The following SIM1 variants were observed in gnomAD, a reference collection of about 807,000 sequenced individuals.
The protein encoded by SIM1 is single-minded homolog 1.
SIM1 carries 18 observed loss-of-function variants against 78.2 expected under a neutral mutation model. That is an observed-to-expected ratio of 0.23 (90% CI 0.16 to 0.34). The LOEUF (loss-of-function observed/expected upper bound fraction) is 0.34. Ranked by LOEUF, SIM1 falls within the 10% of genes least tolerant of loss-of-function variation. SIM1 has a pLI of 1.00. For missense variants in SIM1, 939 were observed against 975.1 expected, an observed-to-expected ratio of 0.96 and a Z score of 0.49; for synonymous variants, 417 against 385.2, an observed-to-expected ratio of 1.08 and a Z score of -0.97.
intron 9 of SIM1, chr6:100,437,564 T>A (rs1305896226): frequency 6.7e-6 from 1 of 148,370 alleles, no homozygotes; most frequent in Non-Finnish European, 1.5e-5. Flanking sequence ...GTGTTGTATG[T>A]CTAGATGCTA....
intron 10 of SIM1, among the ~76,000 whole-genome samples, chr6:100,397,928 G>A (rs1770808390): frequency 6.6e-6 from 1 of 152,090 alleles, no homozygotes; most frequent in African/African-American, 2.4e-5. Flanking sequence ...AACATCATTA[G>A]TGACTAGGAA....
Position 100,447,476 on chromosome 6 carries a change from G to T in SIM1, c.851-61C>A, listed in dbSNP as rs1365859672. ...AGCCTGCCTGGGACTGGCCCCAAAT[G>T]CAATCCCTGGTGGTAAGAATTGAGG... On this transcript the variant is annotated intron_variant, in intron 8 of 11. Coordinates refer to ENST00000369208, the MANE Select transcript of SIM1 (RefSeq NM_005068.3). The T allele has an allele frequency of 3.8e-6, 6 of 1,592,002 alleles. No individual in the cohort carries two copies. The African/African-American group carries it at 4.0e-5, about 11-fold the overall frequency.
At chr6:100,430,292 C>T (rs982071157) in intron 9 of SIM1, among the ~76,000 whole-genome samples, 1 of 152,088 alleles carries the variant, frequency 6.6e-6, no homozygotes, top group African/African-American at 2.4e-5. Context: ...GTTGTACATT[C>T]GACAGATCTG....
At position 100,438,763 on chromosome 6, in the gene SIM1, T is replaced by C. The variant is rs190630852; in HGVS notation, c.998+8505A>G. On this transcript the variant is annotated intron_variant, in intron 9 of 11. Coordinates refer to ENST00000369208, the MANE Select transcript of SIM1 (RefSeq NM_005068.3). The stretch of plus-strand genomic sequence containing the variant: ...AAGAAAATGTGGTATATATATACTG[T>C]GGAATATCACTCAGTCATAAAGAGG... 7.0e-4 allele frequency among the ~76,000 whole-genome samples: 107 copies of C among 152,310 alleles called. 2 individuals carry two copies. The highest frequency in any genetic ancestry group is 4.6e-4 in the Admixed American group (7 of 15,304).
At chr6:100,393,999 T>C in intron 10 of SIM1, 110 bp from the exon 11 acceptor site, 4 of 1,162,634 alleles carry the variant, frequency 3.4e-6, no homozygotes, top group Non-Finnish European at 4.7e-6. Flanking sequence ...CCTTAAGGTC[T>C]CATTGTCCTG....
chr6:100,458,010 C>CTT (rs1271921278), intron 2 of SIM1, among the ~76,000 whole-genome samples: 9 of 4,508 alleles, frequency 2.0e-3, no homozygotes, highest in African/African-American at 4.9e-3. Context: ...CTCTCTTTCT[C>CTT]TCTCTCTCTC....
At chr6:100,464,185 T>C (rs1772930450) in intron 1 of SIM1, among the ~76,000 whole-genome samples, 1 of 152,142 alleles carries the variant, frequency 6.6e-6, no homozygotes, top group Non-Finnish European at 1.5e-5. Flanking sequence ...AAATACATAT[T>C]TCTGAAGACC....
intron 9 of SIM1, among the ~76,000 whole-genome samples, chr6:100,439,477 T>C (rs541518225): frequency 1.3e-5 from 2 of 152,136 alleles, no homozygotes; most frequent in Non-Finnish European, 2.9e-5. Context: ...TCGATGGAAC[T>C]CTTCTATTTC....
chr6:100,413,813 T>C (rs556770044), intron 10 of SIM1, among the ~76,000 whole-genome samples: 2 of 152,220 alleles, frequency 1.3e-5, no homozygotes, highest in Non-Finnish European at 2.9e-5. Context: ...AAATAAGTTC[T>C]CTATAATGGC....
In SIM1 at chr6:100,463,588, A is replaced by T; in HGVS notation, c.-120T>A. 1.1e-6 allele frequency: 1 copy of T among 926,196 alleles called. No homozygotes were observed. Among genetic ancestry groups the T allele is most frequent in the Admixed American group, 2.2e-5 (1 of 44,582 alleles). The allele number at this position is 926,196 out of a possible 1,614,324, so 57.4% of individuals were successfully genotyped here. A position where few individuals can be genotyped will look rare whatever the true frequency, so the allele number is the denominator to read the frequency against. ...AACATAAAACATACTTTGAATAAAG[A>T]GGCTGAAGTATTTGCACCAAGAACA... On this transcript the variant is annotated 5_prime_UTR_variant, in exon 2 of 12. Transcript: ENST00000369208.
intron 9 of SIM1, among the ~76,000 whole-genome samples, chr6:100,434,465 C>T (rs1379814977): frequency 6.6e-6 from 1 of 152,194 alleles, no homozygotes; most frequent in Non-Finnish European, 1.5e-5. Context: ...CTTGTTTGGA[C>T]ACCAATATCA....
At chr6:100,414,716 A>T (rs1470243875) in intron 10 of SIM1, among the ~76,000 whole-genome samples, 4 of 152,218 alleles carry the variant, frequency 2.6e-5, no homozygotes, top group Non-Finnish European at 5.9e-5. Flanking sequence ...TAGCTATACC[A>T]ATAGAAGTGC....
In SIM1 at chr6:100,387,566, T is replaced by C. The variant is rs1315190458; in HGVS notation, c.*2795A>G. On this transcript the variant is annotated 3_prime_UTR_variant, in exon 12 of 12. Transcript: ENST00000369208. ...AGCTATACAATATAGTGAGTCAATA[T>C]GACATTTTATGTAATGTAATAAAAC... The C allele has an allele frequency of 6.6e-6, 1 of 152,116 alleles. No homozygotes were observed. Among genetic ancestry groups the C allele is most frequent in the Non-Finnish European group, 1.5e-5 (1 of 67,958 alleles). The allele number at this position is 152,116 out of a possible 1,614,324, so 9.4% of individuals were successfully genotyped here.
At position 100,420,897 on chromosome 6, in the gene SIM1, A is replaced by T. The variant is rs557887397; in HGVS notation, c.1060T>A (p.Phe354Ile). ...LDQISASKPA[F>I]SYTSSSTPTM... Reference sequence around the variant, plus strand: ...GGGGTGGAGCTGCTGGTATAGGAGAAGGCTGGTTTGGAGGCTGAGATCTGA... The same window carrying T: ...GGGGTGGAGCTGCTGGTATAGGAGATGGCTGGTTTGGAGGCTGAGATCTGA... Residue 354 changes from phenylalanine (F) to isoleucine (I), a missense_variant, in exon 10 of 12, where the codon TTC (phenylalanine) becomes ATC (isoleucine). Physicochemically the swap from Phe to Ile is conservative, Grantham distance 21. Transcript: ENST00000369208. 53 of 1,614,008 alleles carry T rather than the reference A, an allele frequency of 3.3e-5. No individual in the cohort carries two copies. In the South Asian group the frequency reaches 5.7e-4, roughly 17 times the overall value.
At chr6:100,426,227 T>C (rs1235675446) in intron 9 of SIM1, among the ~76,000 whole-genome samples, 2 of 152,214 alleles carry the variant, frequency 1.3e-5, no homozygotes, top group Non-Finnish European at 2.9e-5. Context: ...GAATTGCAGC[T>C]TGTCAATCTC....
chr6:100,453,953 A>C, intron 2 of SIM1, 109 bp from the exon 3 acceptor site: 4 of 661,452 alleles, frequency 6.0e-6, no homozygotes, highest in East Asian at 3.1e-5. Context: ...TTGACTGGAT[A>C]CCATAGGGGA....
At chr6:100,426,620 C>T (rs1364764891) in intron 9 of SIM1, among the ~76,000 whole-genome samples, 2 of 152,166 alleles carry the variant, frequency 1.3e-5, no homozygotes, top group African/African-American at 4.8e-5. Context: ...AATAGCCAAA[C>T]TAATTTACAA....
chr6:100,427,128 T>C (rs984706208), intron 9 of SIM1: 3 of 152,248 alleles, frequency 2.0e-5, no homozygotes, highest in African/African-American at 7.2e-5. Flanking sequence ...AGTTACCGCC[T>C]GGCCACTGGG....
intron 2 of SIM1, among the ~76,000 whole-genome samples, chr6:100,457,996 GTCTCTCTCTTTC>G (rs1562064113): frequency 1.7e-4 from 18 of 107,794 alleles, no homozygotes; most frequent in African/African-American, 2.4e-4. Flanking sequence ...ACCGCTGTCT[GTCTCTCTCTTTC>G]TCTCTCTCTC....
Sources: allele counts gnomAD v4.1 joint callset (sites outside exome capture counted in the v4.1 genomes callset), GRCh38; gene constraint gnomAD v4.1.1; transcripts MANE v1.5; gene names NCBI Gene and HGNC (gene_info 2026-07-23, HGNC 2026-07-21).